Variants in PCLO observed in about 807,000 individuals in gnomAD.
The protein encoded by PCLO is protein piccolo.
Under a neutral mutation model 427.5 loss-of-function variants are expected in PCLO, and 82 were observed. The ratio of observed to expected loss-of-function variants is 0.19; its 90% CI spans 0.16 to 0.23. PCLO has a LOEUF of 0.23. Ranked by LOEUF, PCLO falls within the 10% of genes least tolerant of loss-of-function variation. The pLI is 1.00. For missense variants in PCLO, 6,239 were observed against 6,115.9 expected, an observed-to-expected ratio of 1.02 and a Z score of -0.67; for synonymous variants, 2,357 against 2,155.4, an observed-to-expected ratio of 1.09 and a Z score of -2.59.
At chr7:83,069,123 T>C (rs921638539) in intron 3 of PCLO, among the ~76,000 whole-genome samples, 1 of 152,200 alleles carries the variant, frequency 6.6e-6, no homozygotes, top group Non-Finnish European at 1.5e-5. Flanking sequence ...AAACAAGTTC[T>C]GGAGAACTAA....
rs1391902188 is a variant in PCLO, at chr7:82,838,108, TA to T, written c.14222+109del. On this transcript the variant is annotated intron_variant, in intron 15 of 24. Transcript: ENST00000333891. Reference sequence around the variant, plus strand: ...AATAAATATGACATGTGGAGGAAAGTAAGGAAAAGATAATAAAGTCAATTAA... The same window carrying T: ...AATAAATATGACATGTGGAGGAAAGTAGGAAAAGATAATAAAGTCAATTAA... 5.3e-6 allele frequency: 4 copies of T among 761,872 alleles called. No individual in the cohort carries two copies. The African/African-American group carries it at 7.3e-5, about 14-fold the overall frequency. The allele number at this position is 761,872 out of a possible 1,614,324, so 47.2% of individuals were successfully genotyped here. A position where few individuals can be genotyped will look rare whatever the true frequency, so the allele number is the denominator to read the frequency against.
intron 3 of PCLO, among the ~76,000 whole-genome samples, chr7:83,131,182 G>A (rs982686783): frequency 6.6e-6 from 1 of 152,082 alleles, no homozygotes; most frequent in Non-Finnish European, 1.5e-5. Context: ...TTCTGACTTG[G>A]CAGAAATTAA....
At position 83,097,069 on chromosome 7, in the gene PCLO, C is replaced by T. The variant is rs1443734626; in HGVS notation, c.3300+37181G>A. 1.2e-4 allele frequency among the ~76,000 whole-genome samples: 7 copies of T among 57,864 alleles called. 2 individuals carry two copies. Among genetic ancestry groups the T allele is most frequent in the Non-Finnish European group, 1.7e-4 (6 of 35,434 alleles). The allele number at this position is 57,864 out of a possible 152,430, so 38.0% of individuals were successfully genotyped here. Reference sequence around the variant, plus strand: ...TTATATAAATATATTATACATTATACATTATATAAATATATTATACATTAT... The same window carrying T: ...TTATATAAATATATTATACATTATATATTATATAAATATATTATACATTAT... On this transcript the variant is annotated intron_variant, in intron 3 of 24. Transcript: ENST00000333891.
chr7:83,123,612 A>C, intron 3 of PCLO, among the ~76,000 whole-genome samples: 1 of 152,312 alleles, frequency 6.6e-6, no homozygotes, highest in Middle Eastern at 3.4e-3. Flanking sequence ...AACAAAAGCA[A>C]AAGTTGAAAA....
At chr7:82,825,006 T>C (rs571327031) in intron 18 of PCLO, among the ~76,000 whole-genome samples, 36 of 152,156 alleles carry the variant, frequency 2.4e-4, no homozygotes, top group African/African-American at 8.2e-4. Flanking sequence ...AATCTTAAAC[T>C]GGACTAGCAA....
In PCLO at chr7:82,929,531, CAT is replaced by C. The variant is rs377107945; in HGVS notation, c.11113-12660_11113-12659del. 1.2e-4 allele frequency among the ~76,000 whole-genome samples: 18 copies of C among 152,154 alleles called. No individual in the cohort carries two copies. The East Asian group carries it at 1.9e-3, about 16-fold the overall frequency. The stretch of plus-strand genomic sequence containing the variant: ...ATTAGCATATATGATTAAAAATAAA[CAT>C]GTGTTAAGAAAATGTGTTCTTATCT... On this transcript the variant is annotated intron_variant, in intron 6 of 24. Coordinates refer to ENST00000333891, the MANE Select transcript of PCLO (RefSeq NM_033026.6).
chr7:82,983,969 GAGC>G (rs2115793861), intron 3 of PCLO, among the ~76,000 whole-genome samples: 1 of 151,972 alleles, frequency 6.6e-6, no homozygotes, highest in Non-Finnish European at 1.5e-5. Flanking sequence ...CCTTGAGAAA[GAGC>G]TGAATTCAGC....
At position 82,865,922 on chromosome 7, in the gene PCLO, C is replaced by T. The variant is rs1001620354; in HGVS notation, c.13654+13415G>A. Among the ~76,000 whole-genome samples the T allele has an allele frequency of 7.2e-5, 11 of 152,216 alleles. No individual in the cohort carries two copies. The South Asian group carries it at 1.0e-3, about 14-fold the overall frequency. ...AGCAGTAAGAGTGATCCTATTTAAA[C>T]GTCATTCAGCTTATGTCAGGTCAAT... On this transcript the variant is annotated intron_variant, in intron 10 of 24. Transcript: ENST00000333891.
chr7:83,031,637 T>C (rs1477789657), intron 3 of PCLO, among the ~76,000 whole-genome samples: 1 of 152,104 alleles, frequency 6.6e-6, no homozygotes, highest in Non-Finnish European at 1.5e-5. Flanking sequence ...GCACCTGTAA[T>C]GATTGACTTT....
At chr7:82,900,180 C>T (rs916470082) in intron 9 of PCLO, among the ~76,000 whole-genome samples, 17 of 151,508 alleles carry the variant, frequency 1.1e-4, no homozygotes, top group African/African-American at 4.1e-4. Flanking sequence ...AAAAGGAAAA[C>T]AACATTAGAC....
intron 20 of PCLO, among the ~76,000 whole-genome samples, chr7:82,816,480 G>T (rs533969305): frequency 2.6e-5 from 4 of 152,002 alleles, no homozygotes; most frequent in African/African-American, 9.7e-5. Flanking sequence ...ACTTCCACAG[G>T]TCCTGCTCCC....
intron 3 of PCLO, 86 bp downstream of exon 3, chr7:83,134,164 A>G (rs1047094874): frequency 3.6e-5 from 14 of 387,726 alleles, no homozygotes; most frequent in Admixed American, 1.4e-4. Context: ...TTTTGCTCAG[A>G]TATTTGGCCA....
intron 15 of PCLO, among the ~76,000 whole-genome samples, chr7:82,836,931 T>C (rs1338616559): frequency 6.6e-6 from 1 of 152,160 alleles, no homozygotes; most frequent in Non-Finnish European, 1.5e-5. Flanking sequence ...TTATTTTATG[T>C]CCTAGAAAAC....
chr7:83,135,156 G>A lies in PCLO; in HGVS notation c.2394C>T (p.Asp798=). 1 of 1,613,960 alleles carries A rather than the reference G, an allele frequency of 6.2e-7. No homozygotes were observed. Among genetic ancestry groups the A allele is most frequent in the Non-Finnish European group, 8.5e-7 (1 of 1,179,896 alleles). The change falls in exon 3 of 25, where the codon GAC becomes GAT. Residue 798 remains aspartate, a synonymous_variant. Transcript: ENST00000333891. ...EEKTTPPLKT[D]SAKPSQSFPP... The stretch of plus-strand genomic sequence containing the variant: ...GAAAACTCTGTGAGGGTTTGGCAGA[G>A]TCTGTTTTTAGAGGAGGGGTTGTTT...
chr7:82,962,591 T>C (rs1379221232), intron 4 of PCLO, among the ~76,000 whole-genome samples: 1 of 151,982 alleles, frequency 6.6e-6, no homozygotes, highest in Non-Finnish European at 1.5e-5. Context: ...TAAAATAGTT[T>C]AAGAATTACT....
chr7:82,967,420 C>T (rs968574298), intron 3 of PCLO, among the ~76,000 whole-genome samples: 1 of 151,960 alleles, frequency 6.6e-6, no homozygotes, highest in Non-Finnish European at 1.5e-5. Context: ...GGTGATCCGC[C>T]CACCTTGGCC....
rs543490725 is a variant in PCLO at position 83,016,976 on chromosome 7, T to A, written c.3301-50489A>T. 1.8e-4 allele frequency among the ~76,000 whole-genome samples: 28 copies of A among 152,198 alleles called. No homozygotes were observed. In the South Asian group the frequency reaches 4.8e-3, roughly 26 times the overall value. On this transcript the variant is annotated intron_variant, in intron 3 of 24. Transcript: ENST00000333891. ...TGATTAGCCTTCACTTAAGAATGGC[T>A]TAAAGTGGGGAAATGGGCTCTTTTT...
intron 22 of PCLO, among the ~76,000 whole-genome samples, chr7:82,790,776 T>C (rs1791084670): frequency 6.6e-6 from 1 of 152,228 alleles, no homozygotes; most frequent in Admixed American, 6.5e-5. Flanking sequence ...GTAAATTATG[T>C]AGTTTTTAAT....
In PCLO at chr7:83,145,398, T is replaced by C. The variant is rs550853725; in HGVS notation, c.1893+9350A>G. Among the ~76,000 whole-genome samples, 4 of 152,276 alleles carry C rather than the reference T, an allele frequency of 2.6e-5. No individual in the cohort carries two copies. The East Asian group carries it at 5.8e-4, about 22-fold the overall frequency. ...GTTAATTTCTTTTTAACTTTAAGGA[T>C]ATGTAAATATACACACATACATACA... On this transcript the variant is annotated intron_variant, in intron 2 of 24. Coordinates refer to ENST00000333891, the MANE Select transcript of PCLO (RefSeq NM_033026.6).
Sources: gnomAD v4.1 joint callset for allele counts (sites outside exome capture counted in the v4.1 genomes callset) on GRCh38, gnomAD v4.1.1 for gene constraint, MANE v1.5 for transcripts, NCBI Gene and HGNC (gene_info 2026-07-23, HGNC 2026-07-21) for gene names.